The following KY variants were observed in gnomAD, a reference collection of about 807,000 sequenced individuals.
KY encodes the protein kyphoscoliosis peptidase.
Under a neutral mutation model 76.1 loss-of-function variants are expected in KY, and 43 were observed. The observed-to-expected ratio is 0.57, with a 90% CI of 0.44 to 0.73. The LOEUF (loss-of-function observed/expected upper bound fraction) is 0.73, where lower values mean the gene tolerates loss of function less well. KY is among the 30% of genes least tolerant of loss of function. The pLI, the probability that KY is intolerant of heterozygous loss-of-function variation, is 0.00. For missense variants in KY, 722 were observed against 828.9 expected, an observed-to-expected ratio of 0.87 and a Z score of 1.58; for synonymous variants, 277 against 326.2, an observed-to-expected ratio of 0.85 and a Z score of 1.63.
intron 8 of KY, among the ~76,000 whole-genome samples, chr3:134,612,335 C>A (rs951984487): frequency 6.6e-6 from 1 of 152,120 alleles, no homozygotes; most frequent in Admixed American, 6.5e-5. Flanking sequence ...CACTCCAGGG[C>A]AGAAGGAGGC....
intron 6 of KY, among the ~76,000 whole-genome samples, chr3:134,624,071 C>T (rs968564082): frequency 2.6e-5 from 4 of 152,232 alleles, no homozygotes; most frequent in East Asian, 3.9e-4. Context: ...CCTCATATCC[C>T]AAACACACTC....
At chr3:134,639,514 G>A (rs1469378701) in intron 3 of KY, among the ~76,000 whole-genome samples, 2 of 152,182 alleles carry the variant, frequency 1.3e-5, no homozygotes, top group African/African-American at 4.8e-5. Context: ...AGCTCCACAG[G>A]GAGGTCTGAG....
intron 5 of KY, 24 bp downstream of exon 5, chr3:134,627,732 G>A (rs1963652795): frequency 6.2e-7 from 1 of 1,609,342 alleles, no homozygotes; most frequent in South Asian, 1.1e-5. Context: ...CTTGAGAATT[G>A]TCCTGGAAGA....
intron 10 of KY, chr3:134,608,068 G>A: frequency 9.2e-7 from 1 of 1,089,708 alleles, no homozygotes. Context: ...TCTGTCTTGG[G>A]TGGGACTGCC....
chr3:134,600,095 TA>T lies in KY; in HGVS notation c.*3483del, dbSNP rs1456794742. Reference sequence around the variant, plus strand: ...ATGAAAAGAAATTATAGACCTAAGATAAACTGAGGCGGGCAATAGAGGCACA... The same window carrying T: ...ATGAAAAGAAATTATAGACCTAAGATAACTGAGGCGGGCAATAGAGGCACA... On this transcript the variant is annotated 3_prime_UTR_variant, in exon 11 of 11. Coordinates refer to ENST00000423778, the MANE Select transcript of KY (RefSeq NM_178554.6). Among the ~76,000 whole-genome samples the T allele has an allele frequency of 6.6e-5, 10 of 152,172 alleles. No homozygotes were observed. Among genetic ancestry groups the T allele is most frequent in the Non-Finnish European group, 1.5e-5 (1 of 68,038 alleles).
intron 4 of KY, chr3:134,628,083 T>G (rs1963705378): frequency 1.9e-6 from 1 of 530,400 alleles, no homozygotes; most frequent in Non-Finnish European, 3.4e-6. Context: ...GTATTTGCTC[T>G]GACCTAACAC....
At position 134,601,747 on chromosome 3, in the gene KY, T is replaced by C. The variant is rs1477535152; in HGVS notation, c.*1832A>G. On this transcript the variant is annotated 3_prime_UTR_variant, in exon 11 of 11. Transcript: ENST00000423778. ...CCTTTTGCTCGAGGCCGCCGGCCTG[T>C]TGGATGATGGGCACCCTTGTGAGCT... Among the ~76,000 whole-genome samples, 1 of 152,218 alleles carries C rather than the reference T, an allele frequency of 6.6e-6. No homozygotes were observed. The highest frequency in any genetic ancestry group is 1.5e-5 in the Non-Finnish European group (1 of 68,036).
chr3:134,627,654 T>G (rs1486035535), intron 5 of KY, 102 bp downstream of exon 5: 1 of 1,042,702 alleles, frequency 9.6e-7, no homozygotes, highest in Non-Finnish European at 1.5e-6. Context: ...CCCCAGCCTC[T>G]CAGCATAGTG....
chr3:134,614,011 A>T (rs1961032990), intron 8 of KY, among the ~76,000 whole-genome samples: 1 of 152,236 alleles, frequency 6.6e-6, no homozygotes, highest in African/African-American at 2.4e-5. Flanking sequence ...ACATAAAAAA[A>T]TATCATATCC....
intron 8 of KY, among the ~76,000 whole-genome samples, chr3:134,613,631 G>A (rs1960941392): frequency 6.6e-6 from 1 of 152,220 alleles, no homozygotes; most frequent in Non-Finnish European, 1.5e-5. Context: ...TGGGAAGGCT[G>A]TGGGGAATGC....
At chr3:134,647,169 C>A (rs1345861907) in intron 2 of KY, among the ~76,000 whole-genome samples, 4 of 152,206 alleles carry the variant, frequency 2.6e-5, no homozygotes, top group African/African-American at 9.7e-5. Context: ...TAAGTCCTCC[C>A]CTACGGCTCA....
chr3:134,643,520 C>G (rs1966038369), intron 2 of KY, 142 bp from the exon 3 acceptor site: 1 of 650,802 alleles, frequency 1.5e-6, no homozygotes, highest in Non-Finnish European at 2.7e-6. Flanking sequence ...CACACCCTCA[C>G]AGTGTGCACA....
Position 134,629,632 on chromosome 3 carries a change from G to A in KY, c.326C>T (p.Ser109Phe). Residue 109 changes from serine (S) to phenylalanine (F), a missense_variant, in exon 4 of 11, where the codon TCC (serine) becomes TTC (phenylalanine). Physicochemically the swap from Ser to Phe is radical, Grantham distance 155. Coordinates refer to ENST00000423778, the MANE Select transcript of KY (RefSeq NM_178554.6). The part of the protein sequence containing the change: ...DAMPQLLKKF[S>F]LAKRLQGDKN... ...TGTGTCATACATACGTTTAGCCAAG[G>A]AGAACTTCTTGAGCAGCTGGGGCAT... 1.2e-6 allele frequency: 2 copies of A among 1,600,376 alleles called. No homozygotes were observed. The highest frequency in any genetic ancestry group is 1.7e-6 in the Non-Finnish European group (2 of 1,173,212).
chr3:134,643,673 A>G (rs966517972), intron 2 of KY, among the ~76,000 whole-genome samples: 9 of 152,342 alleles, frequency 5.9e-5, no homozygotes, highest in Middle Eastern at 3.4e-3. Context: ...CTTTGTAGCC[A>G]TAACTCCCAA....
chr3:134,642,179 C>T (rs1041513857), intron 3 of KY, among the ~76,000 whole-genome samples: 1 of 152,206 alleles, frequency 6.6e-6, no homozygotes, highest in African/African-American at 2.4e-5. Flanking sequence ...TCATCACTAC[C>T]TGCCAGCGCC....
Position 134,601,941 on chromosome 3 carries a change from C to T in KY, c.*1638G>A, listed in dbSNP as rs1034166497. On this transcript the variant is annotated 3_prime_UTR_variant, in exon 11 of 11. Transcript: ENST00000423778. Reference sequence around the variant, plus strand: ...ACCCTGTACTCTGGATGGCAGGGGCCGGGCCCCCTTGGTTCACCTCTGTAG... The same window carrying T: ...ACCCTGTACTCTGGATGGCAGGGGCTGGGCCCCCTTGGTTCACCTCTGTAG... 6.6e-6 allele frequency among the ~76,000 whole-genome samples: 1 copy of T among 152,142 alleles called. No homozygotes were observed. The highest frequency in any genetic ancestry group is 1.9e-4 in the East Asian group (1 of 5,180).
At chr3:134,605,655 A>G (rs1959181564) in intron 10 of KY, among the ~76,000 whole-genome samples, 1 of 151,970 alleles carries the variant, frequency 6.6e-6, no homozygotes, top group South Asian at 2.1e-4. Flanking sequence ...CACCTGCCCT[A>G]CACTCCCACA....
intron 2 of KY, among the ~76,000 whole-genome samples, chr3:134,644,570 T>C (rs1293815323): frequency 6.6e-6 from 1 of 152,218 alleles, no homozygotes; most frequent in Non-Finnish European, 1.5e-5. Context: ...TCTCTATAGC[T>C]TCCTGCTGGC....
chr3:134,619,745 G>A (rs1385876059), intron 7 of KY, among the ~76,000 whole-genome samples: 1 of 152,250 alleles, frequency 6.6e-6, no homozygotes, highest in Non-Finnish European at 1.5e-5. Context: ...GAGGCCTGTG[G>A]TGAGGCCCTA....
Sources: gnomAD v4.1 joint callset for allele counts (sites outside exome capture counted in the v4.1 genomes callset) on GRCh38, gnomAD v4.1.1 for gene constraint, MANE v1.5 for transcripts, NCBI Gene and HGNC (gene_info 2026-07-23, HGNC 2026-07-21) for gene names.